Variants in DRC8 observed in about 807,000 individuals in gnomAD.
DRC8 encodes dynein regulatory complex protein 8.
the DRC8 span, among the ~76,000 whole-genome samples, chr1:245,063,476 T>C: frequency 6.6e-6 from 1 of 152,210 alleles, no homozygotes; most frequent in Non-Finnish European, 1.5e-5. Flanking sequence ...TCTTTCCTTA[T>C]TAGGCCCAGC....
chr1:244,994,649 C>G, the DRC8 span, among the ~76,000 whole-genome samples: 2 of 152,162 alleles, frequency 1.3e-5, no homozygotes, highest in African/African-American at 4.8e-5. Flanking sequence ...AGGCTGGTCT[C>G]AAACTCCTGA....
the DRC8 span, among the ~76,000 whole-genome samples, chr1:245,022,395 C>T: frequency 6.6e-6 from 1 of 151,860 alleles, no homozygotes; most frequent in Non-Finnish European, 1.5e-5. Context: ...AATTCCTGGC[C>T]TCAAGTGACC....
the DRC8 span, chr1:244,970,503 CGG>C: frequency 1.3e-6 from 2 of 1,508,766 alleles, no homozygotes; most frequent in African/African-American, 2.9e-5. Flanking sequence ...CCGGGCTGCA[CGG>C]GGAAGCGCCG....
chr1:245,082,230 C>T, the DRC8 span: 180 of 1,416,086 alleles, frequency 1.3e-4, 3 homozygotes, highest in Admixed American at 7.3e-4. Flanking sequence ...CATTTCAGGA[C>T]GCTTGGCTTT....
chr1:245,106,252 T>C, the DRC8 span, among the ~76,000 whole-genome samples: 1 of 152,210 alleles, frequency 6.6e-6, no homozygotes, highest in Admixed American at 6.5e-5. Flanking sequence ...GCATTAGCAG[T>C]TACACTGCTC....
chr1:245,110,852 A>G, the DRC8 span, among the ~76,000 whole-genome samples: 1 of 152,330 alleles, frequency 6.6e-6, no homozygotes, highest in African/African-American at 2.4e-5. Flanking sequence ...TTCTGCATTG[A>G]CACCAACAGC....
chr1:245,019,002 G>A, the DRC8 span, among the ~76,000 whole-genome samples: 1 of 152,146 alleles, frequency 6.6e-6, no homozygotes, highest in Non-Finnish European at 1.5e-5. Context: ...TCTGCCTTCA[G>A]GCTTCCTGAC....
At chr1:245,015,143 G>C in the DRC8 span, among the ~76,000 whole-genome samples, 1 of 152,014 alleles carries the variant, frequency 6.6e-6, no homozygotes, top group African/African-American at 2.4e-5. Flanking sequence ...TTTGAGACAA[G>C]GTCTGGTTCT....
At chr1:245,020,299 C>G in the DRC8 span, among the ~76,000 whole-genome samples, 1 of 152,314 alleles carries the variant, frequency 6.6e-6, no homozygotes, top group South Asian at 2.1e-4. Flanking sequence ...CAGCCACCAG[C>G]CCACTGTCAA....
At chr1:245,025,275 A>C in the DRC8 span, among the ~76,000 whole-genome samples, 1 of 152,216 alleles carries the variant, frequency 6.6e-6, no homozygotes, top group Non-Finnish European at 1.5e-5. Context: ...AATCTTATTC[A>C]CAAACAAATC....
the DRC8 span, chr1:244,970,629 GCCCGCCGCTCCGC>G: frequency 2.1e-6 from 1 of 473,910 alleles, no homozygotes. Context: ...AGCCCGCCCG[GCCCGCCGCTCCGC>G]CCCGCCCCGC....
At chr1:244,985,813 G>A in the DRC8 span, among the ~76,000 whole-genome samples, 4 of 150,280 alleles carry the variant, frequency 2.7e-5, no homozygotes, top group East Asian at 8.0e-4. Context: ...GCAGTGAGCC[G>A]AGATCGTGCC....
chr1:245,102,680 T>C, the DRC8 span, among the ~76,000 whole-genome samples: 2 of 152,230 alleles, frequency 1.3e-5, no homozygotes, highest in South Asian at 2.1e-4. Flanking sequence ...GGAGTACTTA[T>C]AGATTTGCCT....
chr1:245,112,756 C>CT, the DRC8 span, among the ~76,000 whole-genome samples: 396 of 142,252 alleles, frequency 2.8e-3, 2 homozygotes, highest in South Asian at 7.0e-3. Flanking sequence ...TTCATGTTAC[C>CT]TTTTTTTTTT....
At chr1:245,007,075 G>A in the DRC8 span, among the ~76,000 whole-genome samples, 3 of 152,216 alleles carry the variant, frequency 2.0e-5, no homozygotes, top group Non-Finnish European at 2.9e-5. Flanking sequence ...ATCAGTAGAA[G>A]ATAGCAGTGA....
chr1:245,096,116 C>A, the DRC8 span, among the ~76,000 whole-genome samples: 7 of 152,178 alleles, frequency 4.6e-5, no homozygotes, highest in Admixed American at 2.6e-4. Flanking sequence ...CAGATAGAAA[C>A]AACAAACCCC....
chr1:244,978,268 C>T, the DRC8 span, among the ~76,000 whole-genome samples: 3 of 151,982 alleles, frequency 2.0e-5, no homozygotes, highest in Non-Finnish European at 4.4e-5. Flanking sequence ...CTGAGGCTGG[C>T]GGATCGCCTG....
At chr1:245,114,365 T>C in the DRC8 span, among the ~76,000 whole-genome samples, 4 of 151,750 alleles carry the variant, frequency 2.6e-5, no homozygotes, top group Admixed American at 2.0e-4. Flanking sequence ...CTTGGGAGGC[T>C]GAGGCAGAAG....
chr1:245,111,390 C>G, the DRC8 span, among the ~76,000 whole-genome samples: 1 of 152,180 alleles, frequency 6.6e-6, no homozygotes, highest in Non-Finnish European at 1.5e-5. Flanking sequence ...GCTCCTTCTC[C>G]CCTCAACCTG....
Sources: allele counts gnomAD v4.1 joint callset (sites outside exome capture counted in the v4.1 genomes callset), GRCh38; gene constraint gnomAD v4.1.1; transcripts MANE v1.5; gene names NCBI Gene and HGNC (gene_info 2026-07-23, HGNC 2026-07-21).